PPP2R2C: variants seen among roughly 807,000 people sequenced by gnomAD.
The protein encoded by PPP2R2C is protein phosphatase 2 regulatory subunit Bgamma.
A neutral mutation model predicts 45.3 loss-of-function variants in PPP2R2C; 10 were observed. The ratio of observed to expected loss-of-function variants is 0.22; its 90% confidence interval spans 0.14 to 0.37. PPP2R2C has a LOEUF of 0.37. Ranked by LOEUF, PPP2R2C falls within the 10% of genes least tolerant of loss-of-function variation. PPP2R2C has a pLI of 1.00. For synonymous variants in PPP2R2C, 257 were observed against 245.4 expected (o/e 1.05, Z -0.44); for missense variants, 308 against 619.7 (o/e 0.50, Z 5.34).
intron 5 of PPP2R2C, among the ~76,000 whole-genome samples, chr4:6,354,081 T>C (rs1248537098): frequency 6.7e-6 from 1 of 150,232 alleles, no homozygotes; most frequent in East Asian, 2.0e-4. Flanking sequence ...GTCCTGGGGT[T>C]CCTCCATCTG....
At chr4:6,457,204 T>C in intron 1 of PPP2R2C, among the ~76,000 whole-genome samples, 1 of 34,274 alleles carries the variant, frequency 2.9e-5, no homozygotes. Context: ...CGAGACTCCA[T>C]CTCAAAAAAA....
Position 6,329,480 on chromosome 4 carries a change from C to CT in PPP2R2C, c.961-128dup. 2 of 771,618 alleles carry CT rather than the reference C, an allele frequency of 2.6e-6. No individual in the cohort carries two copies. The highest frequency in any genetic ancestry group is 4.4e-6 in the Non-Finnish European group (2 of 449,474). The allele number at this position is 771,618 out of a possible 1,614,324, so 47.8% of individuals were successfully genotyped here. On this transcript the variant is annotated intron_variant, in intron 7 of 8. Coordinates refer to ENST00000382599, the MANE Select transcript of PPP2R2C (RefSeq NM_020416.4). The surrounding 1 kb of genome is among the most constrained non-coding windows in gnomAD (Gnocchi z 5.8). ...CATGGCCCAGCGCAGACCTGCTCAT[C>CT]TCAGCGAGGGTCTGAATGCTCTGAC...
intron 2 of PPP2R2C, among the ~76,000 whole-genome samples, chr4:6,516,765 G>T (rs1455539915): frequency 6.6e-6 from 1 of 152,178 alleles, no homozygotes. Context: ...TGATCATAAG[G>T]GATCCTGTTT....
rs1379784236 is a variant in PPP2R2C at position 6,320,902 on chromosome 4, G to C, written c.*2400C>G. 6.6e-6 allele frequency: 1 copy of C among 152,200 alleles called. No individual in the cohort carries two copies. Among genetic ancestry groups the C allele is most frequent in the Non-Finnish European group, 1.5e-5 (1 of 68,040 alleles). 9.4% of individuals were successfully genotyped at this position (152,200 alleles called of 1,614,324 possible). On this transcript the variant is annotated 3_prime_UTR_variant, in exon 9 of 9. Coordinates refer to ENST00000382599, the MANE Select transcript of PPP2R2C (RefSeq NM_020416.4). ...CAGGAAATGTAAGCAGAGCCAGGAT[G>C]CAAGTCTGTGACTATTACACTGGTC...
intron 1 of PPP2R2C, among the ~76,000 whole-genome samples, chr4:6,461,395 C>T (rs1721313825): frequency 1.3e-5 from 2 of 152,134 alleles, no homozygotes; most frequent in South Asian, 4.2e-4. Context: ...ACTGGGCTGC[C>T]CAGCCAGGGA....
chr4:6,433,139 GTT>G (rs1194838759), intron 1 of PPP2R2C, among the ~76,000 whole-genome samples: 6 of 152,100 alleles, frequency 3.9e-5, no homozygotes, highest in Non-Finnish European at 5.9e-5. Context: ...TATTAGTTAA[GTT>G]TTTGGGGAGT....
Position 6,345,552 on chromosome 4 carries a change from A to T in PPP2R2C, c.790+2294T>A, listed in dbSNP as rs760905008. On this transcript the variant is annotated intron_variant, in intron 6 of 8. Transcript: ENST00000382599. The surrounding 1 kb of genome is among the most constrained non-coding windows in gnomAD (Gnocchi z 5.3). ...CGAAAGACAGACAGGAGGGTCAGAG[A>T]CGTGAGAGAGGCTTGGCCGCTGTGG... Among the ~76,000 whole-genome samples the T allele has an allele frequency of 2.0e-5, 3 of 152,138 alleles. No individual in the cohort carries two copies. The highest frequency in any genetic ancestry group is 4.4e-5 in the Non-Finnish European group (3 of 68,014).
intron 1 of PPP2R2C, among the ~76,000 whole-genome samples, chr4:6,424,636 TGTG>T (rs1279395523): frequency 9.2e-5 from 14 of 152,142 alleles, no homozygotes; most frequent in Non-Finnish European, 1.6e-4. Context: ...CAGAGGCGGC[TGTG>T]GTGTGCCTGC....
rs568353308 is a variant in PPP2R2C at position 6,418,143 on chromosome 4, G to A, written c.71-37049C>T. ...GGGGTGATCATAGCAACCTACAGAC[G>A]GTGCTGGGACAGGAAGGATGTGGGC... is the stretch of plus-strand genomic sequence containing the variant. On this transcript the variant is annotated intron_variant, in intron 1 of 8. Coordinates refer to ENST00000382599, the MANE Select transcript of PPP2R2C (RefSeq NM_020416.4). 2.0e-5 allele frequency among the ~76,000 whole-genome samples: 3 copies of A among 152,268 alleles called. No homozygotes were observed. The South Asian group carries it at 6.2e-4, about 32-fold the overall frequency.
At chr4:6,484,526 CCTGTTCAGAT>C (rs886847583) in intron 2 of PPP2R2C, among the ~76,000 whole-genome samples, 2 of 148,986 alleles carry the variant, frequency 1.3e-5, no homozygotes, top group African/African-American at 5.0e-5. Context: ...AAAAAAAAAA[CCTGTTCAGAT>C]ATTGTTTACA....
Position 6,471,282 on chromosome 4 carries a change from C to A in PPP2R2C, c.70+878G>T, listed in dbSNP as rs1721867277. Among the ~76,000 whole-genome samples, 1 of 152,180 alleles carries A rather than the reference C, an allele frequency of 6.6e-6. No individual in the cohort carries two copies. The highest frequency in any genetic ancestry group is 1.5e-5 in the Non-Finnish European group (1 of 68,040). ...ACAGGCGGCCCCGAGCCCAGACCTC[C>A]CGGTCCCCATCCTCCATCGGGGTCA... On this transcript the variant is annotated intron_variant, in intron 1 of 8. Coordinates refer to ENST00000382599, the MANE Select transcript of PPP2R2C (RefSeq NM_020416.4). This position sits in a 1 kb window ranked among gnomAD's most constrained non-coding sequence, Gnocchi z 5.6.
chr4:6,508,166 G>C (rs759036608), intron 2 of PPP2R2C, among the ~76,000 whole-genome samples: 4 of 152,202 alleles, frequency 2.6e-5, no homozygotes, highest in African/African-American at 4.8e-5. Context: ...CAGGGCAGGA[G>C]AGCCTGCCCC....
intron 1 of PPP2R2C, among the ~76,000 whole-genome samples, chr4:6,443,245 T>C (rs897766335): frequency 3.3e-5 from 5 of 152,316 alleles, no homozygotes; most frequent in Admixed American, 3.3e-4. Context: ...ATTCCACACA[T>C]GCTCTGGCCC....
intron 2 of PPP2R2C, among the ~76,000 whole-genome samples, chr4:6,495,751 C>T (rs1380363089): frequency 6.6e-6 from 1 of 152,238 alleles, no homozygotes; most frequent in African/African-American, 2.4e-5. Flanking sequence ...AGAGGAGGCT[C>T]TTCGGCTGGC....
intron 5 of PPP2R2C, among the ~76,000 whole-genome samples, chr4:6,371,962 C>G (rs1199958770): frequency 6.6e-6 from 1 of 152,208 alleles, no homozygotes; most frequent in Non-Finnish European, 1.5e-5. Context: ...GCTCTCTTCC[C>G]AGCAGTCGGC....
chr4:6,379,113 A>G (rs1281524711), intron 2 of PPP2R2C, among the ~76,000 whole-genome samples: 1 of 152,126 alleles, frequency 6.6e-6, no homozygotes, highest in Non-Finnish European at 1.5e-5. Flanking sequence ...GACTTGAGGA[A>G]TAAATGAATT....
chr4:6,404,482 T>G (rs957045004), intron 1 of PPP2R2C, among the ~76,000 whole-genome samples: 1 of 152,204 alleles, frequency 6.6e-6, no homozygotes, highest in African/African-American at 2.4e-5. Flanking sequence ...TGTGTTCACT[T>G]CCTACACTTG....
chr4:6,460,128 C>T (rs1018627492), intron 1 of PPP2R2C, among the ~76,000 whole-genome samples: 4 of 152,166 alleles, frequency 2.6e-5, no homozygotes, highest in African/African-American at 4.8e-5. Flanking sequence ...CCAATGATGA[C>T]GGGTGCTTTG....
At chr4:6,323,637 C>T (rs1323381058) in intron 8 of PPP2R2C, 44 bp from the exon 9 acceptor site, 1 of 1,472,580 alleles carries the variant, frequency 6.8e-7, no homozygotes. Flanking sequence ...GAGCACAAGC[C>T]CCTTCTCGAG....
Sources: allele counts gnomAD v4.1 joint callset (sites outside exome capture counted in the v4.1 genomes callset), GRCh38; gene constraint gnomAD v4.1.1; non-coding constraint Gnocchi (gnomAD v3.1); transcripts MANE v1.5; gene names NCBI Gene and HGNC (gene_info 2026-07-23, HGNC 2026-07-21).